ADAMTSL1: variants seen among roughly 807,000 people sequenced by gnomAD.
The protein encoded by ADAMTSL1 is ADAMTS like 1, also known as ADAMTS-like protein 1.
A neutral mutation model predicts 201.8 loss-of-function variants in ADAMTSL1; 126 were observed. That is an observed-to-expected ratio of 0.62 (90% confidence interval 0.54 to 0.72). The LOEUF is 0.72. Among genes scored for constraint, ADAMTSL1 ranks in the 30% least tolerant of loss-of-function variants. ADAMTSL1 has a pLI of 0.00. For synonymous variants in ADAMTSL1, 1,121 were observed against 903.4 expected (o/e 1.24, Z -4.32); for missense variants, 2,679 against 2,277.8 (o/e 1.18, Z -3.59).
At chr9:17,919,392 A>G (rs1826220722) in intron 1 of ADAMTSL1, among the ~76,000 whole-genome samples, 1 of 152,010 alleles carries the variant, frequency 6.6e-6, no homozygotes, top group African/African-American at 2.4e-5. Flanking sequence ...TATTATATTC[A>G]CAGTTACATT....
At chr9:18,417,068 A>G in intron 2 of ADAMTSL1, among the ~76,000 whole-genome samples, 1 of 152,066 alleles carries the variant, frequency 6.6e-6, no homozygotes, top group Non-Finnish European at 1.5e-5. Flanking sequence ...CACACAAAGT[A>G]TGTTTTCTAA....
At chr9:18,374,899 C>G (rs1224378600) in intron 2 of ADAMTSL1, among the ~76,000 whole-genome samples, 1 of 152,202 alleles carries the variant, frequency 6.6e-6, no homozygotes, top group Non-Finnish European at 1.5e-5. Flanking sequence ...GATTATCCCC[C>G]TTGGATGAAT....
At chr9:18,779,811 C>A (rs1432705758) in intron 19 of ADAMTSL1, among the ~76,000 whole-genome samples, 1 of 152,146 alleles carries the variant, frequency 6.6e-6, no homozygotes, top group Non-Finnish European at 1.5e-5. Flanking sequence ...ACCTGCTGTA[C>A]CTATTACACC....
intron 4 of ADAMTSL1, among the ~76,000 whole-genome samples, chr9:18,607,496 A>G (rs1335466294): frequency 6.6e-6 from 1 of 152,146 alleles, no homozygotes; most frequent in African/African-American, 2.4e-5. Flanking sequence ...AATTTTTTTA[A>G]TTGACGCTGT....
chr9:18,394,004 C>G (rs528885002), intron 2 of ADAMTSL1, among the ~76,000 whole-genome samples: 10 of 152,318 alleles, frequency 6.6e-5, no homozygotes, highest in South Asian at 4.1e-4. Context: ...CAGCTAAAAG[C>G]ATTGCAGATG....
chr9:18,569,592 A>T (rs1223914992), intron 3 of ADAMTSL1, among the ~76,000 whole-genome samples: 2 of 152,128 alleles, frequency 1.3e-5, no homozygotes, highest in Non-Finnish European at 2.9e-5. Context: ...CTGGAGATGT[A>T]TGAGGGGCTG....
intron 2 of ADAMTSL1, among the ~76,000 whole-genome samples, chr9:18,195,056 T>C (rs2132248313): frequency 6.6e-6 from 1 of 152,258 alleles, no homozygotes; most frequent in South Asian, 2.1e-4. Context: ...AGGCTTAAAT[T>C]AAATGATATA....
chr9:18,780,928 T>C (rs1821353694), intron 19 of ADAMTSL1, among the ~76,000 whole-genome samples: 2 of 152,240 alleles, frequency 1.3e-5, no homozygotes, highest in South Asian at 2.1e-4. Flanking sequence ...CCAATGTGTG[T>C]TGTGACTTTC....
chr9:18,367,416 G>A (rs1366464955), intron 2 of ADAMTSL1, among the ~76,000 whole-genome samples: 1 of 151,382 alleles, frequency 6.6e-6, no homozygotes, highest in African/African-American at 2.4e-5. Flanking sequence ...ATAATGGAAA[G>A]AAATGGAATT....
chr9:18,803,069 A>G (rs912188659), intron 20 of ADAMTSL1, among the ~76,000 whole-genome samples: 6 of 152,234 alleles, frequency 3.9e-5, no homozygotes, highest in Admixed American at 2.0e-4. Context: ...TTTTGCTGCC[A>G]TAACAAATAA....
At chr9:18,694,856 A>G (rs890737093) in intron 13 of ADAMTSL1, among the ~76,000 whole-genome samples, 1 of 152,196 alleles carries the variant, frequency 6.6e-6, no homozygotes, top group Non-Finnish European at 1.5e-5. Flanking sequence ...GAGGTTCTCC[A>G]TGAGGTCTCT....
At chr9:18,176,743 A>G (rs1828180019) in intron 2 of ADAMTSL1, among the ~76,000 whole-genome samples, 1 of 152,202 alleles carries the variant, frequency 6.6e-6, no homozygotes, top group South Asian at 2.1e-4. Context: ...AGTAGTCTAT[A>G]CTTTCTAGGA....
intron 2 of ADAMTSL1, among the ~76,000 whole-genome samples, chr9:18,507,763 A>G (rs1273359271): frequency 1.3e-5 from 2 of 152,182 alleles, no homozygotes; most frequent in South Asian, 2.1e-4. Context: ...CAGAAAATAT[A>G]TATCATTTCA....
chr9:18,223,407 T>C (rs1210065553), intron 2 of ADAMTSL1, among the ~76,000 whole-genome samples: 1 of 152,272 alleles, frequency 6.6e-6, no homozygotes, highest in African/African-American at 2.4e-5. Context: ...CTTTAAGAAC[T>C]ACAAATATGT....
At chr9:18,339,615 A>G (rs369692282) in intron 2 of ADAMTSL1, among the ~76,000 whole-genome samples, 44 of 152,242 alleles carry the variant, frequency 2.9e-4, no homozygotes, top group Middle Eastern at 3.4e-3. Flanking sequence ...TACATACCCA[A>G]ATGAATATTT....
At chr9:18,269,914 G>C (rs1010716265) in intron 2 of ADAMTSL1, among the ~76,000 whole-genome samples, 4 of 150,142 alleles carry the variant, frequency 2.7e-5, no homozygotes, top group African/African-American at 9.8e-5. Flanking sequence ...CCATGGGTGT[G>C]TTATTAGCTC....
rs565577147 is a variant in ADAMTSL1 at position 18,341,632 on chromosome 9, T to A, written c.208-163197T>A. On this transcript the variant is annotated intron_variant, in intron 2 of 29. Coordinates refer to the ADAMTSL1 transcript ENST00000680146. ...ATAATTTATAAGTATTTAATAAGTA[T>A]TTAGTTGAATAGCATAAACTGAATA... 2.8e-4 allele frequency among the ~76,000 whole-genome samples: 43 copies of A among 152,296 alleles called. 1 individual carries two copies. In the South Asian group the frequency reaches 8.5e-3, roughly 30 times the overall value.
chr9:18,835,911 G>C (rs1825283537), intron 23 of ADAMTSL1, among the ~76,000 whole-genome samples: 1 of 152,060 alleles, frequency 6.6e-6, no homozygotes, highest in African/African-American at 2.4e-5. Flanking sequence ...CACTGTTGAT[G>C]GGCACCTAGG....
chr9:18,244,959 C>G (rs542518458), intron 2 of ADAMTSL1, among the ~76,000 whole-genome samples: 2 of 152,246 alleles, frequency 1.3e-5, no homozygotes, highest in African/African-American at 4.8e-5. Flanking sequence ...ATTGAACTGT[C>G]CCAAACAACT....
Sources: gnomAD v4.1 joint callset for allele counts (sites outside exome capture counted in the v4.1 genomes callset) on GRCh38, gnomAD v4.1.1 for gene constraint, MANE v1.5 for transcripts, NCBI Gene and HGNC (gene_info 2026-07-23, HGNC 2026-07-21) for gene names.